Variants in ADCY8 observed in about 807,000 individuals in gnomAD.
The protein encoded by ADCY8 is adenylate cyclase 8, also known as adenylate cyclase type 8.
ADCY8 carries 51 observed loss-of-function variants against 119.7 expected under a neutral mutation model. That is an observed-to-expected ratio of 0.43 (90% confidence interval 0.34 to 0.54). The LOEUF (loss-of-function observed/expected upper bound fraction) is 0.54. Among genes scored for constraint, ADCY8 ranks in the 20% least tolerant of loss-of-function variants. ADCY8 has a pLI of 0.03. For synonymous variants in ADCY8, 665 were observed against 651.0 expected (o/e 1.02, Z -0.33); for missense variants, 1,383 against 1,598.8 (o/e 0.87, Z 2.30).
chr8:131,036,163 A>T (rs561706400), intron 1 of ADCY8, among the ~76,000 whole-genome samples: 20 of 152,304 alleles, frequency 1.3e-4, no homozygotes, highest in African/African-American at 4.6e-4. Context: ...TCAGGGTATC[A>T]CTGTAAAGTT....
intron 2 of ADCY8, among the ~76,000 whole-genome samples, chr8:130,974,958 A>C (rs181505394): frequency 6.6e-6 from 1 of 152,328 alleles, no homozygotes; most frequent in Non-Finnish European, 1.5e-5. Context: ...AGAAGGCGAC[A>C]TACCTCTGGA....
intron 15 of ADCY8, among the ~76,000 whole-genome samples, chr8:130,797,416 T>TA (rs995990681): frequency 6.6e-6 from 1 of 152,154 alleles, no homozygotes; most frequent in Non-Finnish European, 1.5e-5. Context: ...ATAGGGTAAT[T>TA]AAAAAAATTG....
intron 3 of ADCY8, 120 bp from the exon 4 acceptor site, chr8:130,943,582 G>A: frequency 3.1e-6 from 2 of 641,252 alleles, no homozygotes; most frequent in Admixed American, 2.4e-5. Flanking sequence ...TGAGATTTTA[G>A]CTCTTGCTGC....
At chr8:130,893,743 A>C (rs1239274026) in intron 7 of ADCY8, among the ~76,000 whole-genome samples, 2 of 110,262 alleles carry the variant, frequency 1.8e-5, no homozygotes, top group South Asian at 6.2e-4. Flanking sequence ...TGGGTGTGCA[A>C]GTTTATGTGT....
intron 1 of ADCY8, among the ~76,000 whole-genome samples, chr8:131,025,021 C>G (rs188528543): frequency 2.3e-4 from 35 of 152,266 alleles, no homozygotes; most frequent in African/African-American, 8.2e-4. Context: ...GAAATCATTT[C>G]ATAGTCATAG....
intron 4 of ADCY8, among the ~76,000 whole-genome samples, chr8:130,938,847 G>T (rs1820871796): frequency 6.6e-6 from 1 of 152,154 alleles, no homozygotes; most frequent in South Asian, 2.1e-4. Flanking sequence ...TAGGGGATCT[G>T]GGCTCCTGTC....
chr8:131,032,856 C>A (rs1824037224), intron 1 of ADCY8, among the ~76,000 whole-genome samples: 1 of 152,122 alleles, frequency 6.6e-6, no homozygotes, highest in Non-Finnish European at 1.5e-5. Flanking sequence ...CTGGCTGAAG[C>A]AGCATTCCTC....
chr8:130,854,832 TCCCTC>T lies in ADCY8; in HGVS notation c.2211-5034_2211-5030del, dbSNP rs1586486495. Among the ~76,000 whole-genome samples, 46 of 57,106 alleles carry T rather than the reference TCCCTC, an allele frequency of 8.1e-4. 1 individual carries two copies. Among genetic ancestry groups the T allele is most frequent in the African/African-American group, 1.8e-3 (24 of 13,464 alleles). 37.5% of individuals were successfully genotyped at this position (57,106 alleles called of 152,430 possible). Reference sequence around the variant, plus strand: ...CTCCCTCCCTCCCTCCCTCCCTCCCTCCCTCCCTTCCTTCCCTCCCTCCCTCTGTA... The same window carrying T: ...CTCCCTCCCTCCCTCCCTCCCTCCCTCCTTCCTTCCCTCCCTCCCTCTGTA... On this transcript the variant is annotated intron_variant, in intron 9 of 17. Coordinates refer to ENST00000286355, the MANE Select transcript of ADCY8 (RefSeq NM_001115.3).
intron 5 of ADCY8, among the ~76,000 whole-genome samples, chr8:130,918,269 C>T (rs1820190482): frequency 6.6e-6 from 1 of 152,176 alleles, no homozygotes; most frequent in African/African-American, 2.4e-5. Context: ...GGCCCTCTTC[C>T]TGGCTTGCAG....
At position 131,039,918 on chromosome 8, in the gene ADCY8, G is replaced by A. The variant is rs958592363; in HGVS notation, c.416C>T (p.Ser139Leu). 3 of 1,610,558 alleles carry A rather than the reference G, an allele frequency of 1.9e-6. No individual in the cohort carries two copies. Among genetic ancestry groups the A allele is most frequent in the South Asian group, 2.2e-5 (2 of 90,630 alleles). ...FLHLDCAPSN[S>L]DFFLNGGYSY... ...ATAGCCCCCATTAAGAAAGAAATCC[G>A]AGTTGCTAGGGGCACAGTCAAGGTG... Residue 139 changes from serine (S) to leucine (L), a missense_variant, in exon 1 of 18, where the codon TCG becomes TTG. Physicochemically the swap from Ser to Leu is moderately radical, Grantham distance 145 (BLOSUM62 -2). Coordinates refer to ENST00000286355, the MANE Select transcript of ADCY8 (RefSeq NM_001115.3).
chr8:130,997,123 A>G (rs1020441379), intron 1 of ADCY8, among the ~76,000 whole-genome samples: 2 of 152,200 alleles, frequency 1.3e-5, no homozygotes, highest in African/African-American at 2.4e-5. Context: ...ACTTAATGAC[A>G]TTAGCAAATC....
chr8:131,012,430 A>T (rs900698345), intron 1 of ADCY8, among the ~76,000 whole-genome samples: 2 of 152,134 alleles, frequency 1.3e-5, no homozygotes, highest in Non-Finnish European at 2.9e-5. Flanking sequence ...TTGTCCCACT[A>T]ATCTTCCTTT....
At chr8:130,803,528 T>C (rs1208039807) in intron 14 of ADCY8, among the ~76,000 whole-genome samples, 2 of 152,226 alleles carry the variant, frequency 1.3e-5, no homozygotes, top group African/African-American at 4.8e-5. Flanking sequence ...CCAAGGTAAA[T>C]ACTCAAAACT....
intron 12 of ADCY8, among the ~76,000 whole-genome samples, chr8:130,831,554 G>T (rs942196523): frequency 1.3e-5 from 2 of 152,196 alleles, no homozygotes; most frequent in Non-Finnish European, 2.9e-5. Context: ...GGGGATATAT[G>T]TGCAGAAGCT....
chr8:131,009,537 T>C (rs1368315561), intron 1 of ADCY8, among the ~76,000 whole-genome samples: 1 of 152,224 alleles, frequency 6.6e-6, no homozygotes, highest in Non-Finnish European at 1.5e-5. Flanking sequence ...ACCATGATTG[T>C]AAATTTCCTG....
Position 130,948,163 on chromosome 8 carries a change from G to A in ADCY8, c.1241+3705C>T, listed in dbSNP as rs186752233. On this transcript the variant is annotated intron_variant, in intron 3 of 17. Coordinates refer to ENST00000286355, the MANE Select transcript of ADCY8 (RefSeq NM_001115.3). ...CCCACTGACCAGTAATATCAGCAGT[G>A]AACACTTGCATGAATAAACTTGATT... Among the ~76,000 whole-genome samples the A allele has an allele frequency of 1.7e-4, 26 of 152,262 alleles. No homozygotes were observed. In the East Asian group the frequency reaches 4.4e-3, roughly 26 times the overall value.
chr8:130,870,711 C>T (rs962509607), intron 8 of ADCY8, among the ~76,000 whole-genome samples: 1 of 152,148 alleles, frequency 6.6e-6, no homozygotes, highest in South Asian at 2.1e-4. Flanking sequence ...AGGTTTTTTA[C>T]TGATGACTTA....
intron 5 of ADCY8, among the ~76,000 whole-genome samples, chr8:130,917,450 C>G (rs891283917): frequency 6.6e-6 from 1 of 152,304 alleles, no homozygotes; most frequent in Middle Eastern, 3.4e-3. Context: ...CTGCTGCTTG[C>G]ACTCCCTTCC....
chr8:130,786,334 C>T (rs898355845), intron 15 of ADCY8, among the ~76,000 whole-genome samples: 13 of 152,124 alleles, frequency 8.5e-5, no homozygotes, highest in Admixed American at 4.6e-4. Context: ...CCTGTGGTTT[C>T]GGTTTTAATG....
Sources: allele counts gnomAD v4.1 joint callset (sites outside exome capture counted in the v4.1 genomes callset), GRCh38; gene constraint gnomAD v4.1.1; transcripts MANE v1.5; gene names NCBI Gene and HGNC (gene_info 2026-07-23, HGNC 2026-07-21).